The following RBFOX1 variants were observed in gnomAD, a reference collection of about 807,000 sequenced individuals.
The protein encoded by RBFOX1 is RNA binding protein fox-1 homolog 1.
In RBFOX1, 8 loss-of-function variants were observed where a neutral mutation model predicts 57.7. The ratio of observed to expected loss-of-function variants is 0.14; its 90% CI spans 0.08 to 0.25. The LOEUF (loss-of-function observed/expected upper bound fraction) is 0.25, where lower values mean the gene tolerates loss of function less well. Among genes scored for constraint, RBFOX1 ranks in the 10% least tolerant of loss-of-function variants. The probability of loss-of-function intolerance (pLI) is 1.00; values close to 1 mark genes in which losing one functional copy is unlikely to be tolerated. For synonymous variants in RBFOX1, 326 were observed against 222.4 expected (o/e 1.47, Z -4.15); for missense variants, 611 against 548.5 (o/e 1.11, Z -1.14).
At chr16:6,856,824 A>C (rs2057997891) in intron 3 of RBFOX1, among the ~76,000 whole-genome samples, 1 of 152,196 alleles carries the variant, frequency 6.6e-6, no homozygotes, top group African/African-American at 2.4e-5. Flanking sequence ...TGCGATTGTC[A>C]AACCACTGAT....
At chr16:5,834,869 T>C (rs890675633) in intron 3 of RBFOX1, among the ~76,000 whole-genome samples, 3 of 151,992 alleles carry the variant, frequency 2.0e-5, no homozygotes, top group African/African-American at 7.2e-5. Context: ...TATCCAGTGG[T>C]GGGATTGCTG....
At chr16:7,615,783 C>A (rs375901961) in intron 10 of RBFOX1, among the ~76,000 whole-genome samples, 3 of 152,104 alleles carry the variant, frequency 2.0e-5, no homozygotes, top group Non-Finnish European at 4.4e-5. Context: ...AGGCCAAGGA[C>A]GCTTCAAAAC....
intron 2 of RBFOX1, among the ~76,000 whole-genome samples, chr16:5,526,856 TC>T (rs2044269962): frequency 6.6e-6 from 1 of 152,206 alleles, no homozygotes; most frequent in Admixed American, 6.5e-5. Context: ...GAAGTAAGAC[TC>T]CTTGCATGGG....
intron 1 of RBFOX1, among the ~76,000 whole-genome samples, chr16:6,250,530 G>T (rs1397091746): frequency 2.0e-5 from 3 of 152,102 alleles, no homozygotes; most frequent in African/African-American, 7.2e-5. Context: ...TGTCCCCTTA[G>T]CTCCTTATCT....
intron 1 of RBFOX1, among the ~76,000 whole-genome samples, chr16:6,279,906 T>A (rs1305961889): frequency 6.6e-6 from 1 of 151,900 alleles, no homozygotes; most frequent in Non-Finnish European, 1.5e-5. Flanking sequence ...TTTTTTTTAA[T>A]GATCTGGAAG....
At chr16:5,784,668 C>T (rs551144199) in intron 3 of RBFOX1, among the ~76,000 whole-genome samples, 128 of 152,212 alleles carry the variant, frequency 8.4e-4, no homozygotes, top group African/African-American at 1.4e-3. Context: ...ATTTGGGTGA[C>T]GACACAGATC....
Position 6,584,904 on chromosome 16 carries a change from G to A in RBFOX1, c.-63-69699G>A, listed in dbSNP as rs148142992. ...TCTGGTCATGTTCTCTCTTCCTGGGGCAGAGATTGGGGACCTGCGTTGAAA... is the reference window on the plus strand; with the variant it reads ...TCTGGTCATGTTCTCTCTTCCTGGGACAGAGATTGGGGACCTGCGTTGAAA... On this transcript the variant is annotated intron_variant, in intron 2 of 15. Coordinates refer to ENST00000550418, the MANE Select transcript of RBFOX1 (RefSeq NM_018723.4). Among the ~76,000 whole-genome samples, 475 of 152,254 alleles carry A rather than the reference G, an allele frequency of 3.1e-3. 1 individual carries two copies. Among genetic ancestry groups the A allele is most frequent in the Non-Finnish European group, 5.3e-3 (361 of 68,020 alleles).
intron 3 of RBFOX1, among the ~76,000 whole-genome samples, chr16:5,760,169 C>T (rs1210442566): frequency 1.3e-5 from 2 of 151,996 alleles, no homozygotes; most frequent in Non-Finnish European, 2.9e-5. Context: ...TCCAGATTTG[C>T]CCGGAATGTT....
chr16:5,496,998 AT>A (rs1336104356), intron 2 of RBFOX1, among the ~76,000 whole-genome samples: 2 of 151,776 alleles, frequency 1.3e-5, no homozygotes, highest in Non-Finnish European at 1.5e-5. Flanking sequence ...GTTAAAAAGA[AT>A]TTTTTTTTCA....
At chr16:7,574,986 T>A (rs566506333) in intron 5 of RBFOX1, among the ~76,000 whole-genome samples, 2 of 150,360 alleles carry the variant, frequency 1.3e-5, no homozygotes, top group East Asian at 4.0e-4. Context: ...GGTGGAGAGA[T>A]GTAGTAGAGG....
chr16:5,482,082 C>G (rs1251993354), intron 2 of RBFOX1, among the ~76,000 whole-genome samples: 1 of 152,158 alleles, frequency 6.6e-6, no homozygotes, highest in Non-Finnish European at 1.5e-5. Context: ...AAGTAAGGAT[C>G]CTACACTAGG....
At position 5,366,813 on chromosome 16, in the gene RBFOX1, T is replaced by C. The variant is rs112555983; in HGVS notation, c.220-100403T>C. 3.1e-3 allele frequency: 782 copies of C among 248,570 alleles called. 6 individuals are homozygous for C. Among genetic ancestry groups the C allele is most frequent in the African/African-American group, 0.017 (736 of 43,178 alleles). The allele number at this position is 248,570 out of a possible 1,614,324, so 15.4% of individuals were successfully genotyped here. On this transcript the variant is annotated intron_variant, in intron 1 of 2. Transcript: ENST00000585867. Reference sequence around the variant, plus strand: ...TTTCCCTATCGTGTTTGATAAATGTTGTCCAGGTTTCATTGCCAAGAATGT... The same window carrying C: ...TTTCCCTATCGTGTTTGATAAATGTCGTCCAGGTTTCATTGCCAAGAATGT...
intron 5 of RBFOX1, among the ~76,000 whole-genome samples, chr16:7,542,744 G>T (rs957574661): frequency 1.4e-5 from 2 of 146,050 alleles, no homozygotes; most frequent in African/African-American, 5.1e-5. Context: ...GCACGCACCT[G>T]TAATCCCAGC....
chr16:7,227,576 C>T (rs1012923471), intron 4 of RBFOX1, among the ~76,000 whole-genome samples: 3 of 152,212 alleles, frequency 2.0e-5, no homozygotes, highest in African/African-American at 7.2e-5. Context: ...AAAGCATTGA[C>T]TGAAATGCAA....
At chr16:7,160,761 TCCTCCTCCGCCTCCCCCTTTTTTCTC>T (rs1228736264) in intron 4 of RBFOX1, among the ~76,000 whole-genome samples, 4 of 151,642 alleles carry the variant, frequency 2.6e-5, no homozygotes, top group Admixed American at 2.0e-4. Context: ...CTATTCCTCC[TCCTCCTCCGCCTCCCCCTTTTTTCTC>T]CCTCCTCCGT....
chr16:7,205,136 T>C (rs1209212555), intron 4 of RBFOX1, among the ~76,000 whole-genome samples: 1 of 152,138 alleles, frequency 6.6e-6, no homozygotes, highest in Non-Finnish European at 1.5e-5. Flanking sequence ...TCACTGATAG[T>C]AAGATAGAGG....
At chr16:5,319,150 C>CAAACAAAA (rs1567328155) in intron 1 of RBFOX1, among the ~76,000 whole-genome samples, 1 of 149,752 alleles carries the variant, frequency 6.7e-6, no homozygotes. Flanking sequence ...AACAAACAAA[C>CAAACAAAA]AAAAAAACAT....
chr16:7,308,230 A>T (rs984737262), intron 4 of RBFOX1, among the ~76,000 whole-genome samples: 1 of 151,970 alleles, frequency 6.6e-6, no homozygotes, highest in Non-Finnish European at 1.5e-5. Context: ...ATGGTGAGGC[A>T]ACAGACAGGA....
chr16:6,765,258 A>G (rs2077172868), intron 3 of RBFOX1, among the ~76,000 whole-genome samples: 1 of 152,198 alleles, frequency 6.6e-6, no homozygotes, highest in Non-Finnish European at 1.5e-5. Context: ...CTGCAGGCCA[A>G]GATCTGGGTT....
Sources: allele counts gnomAD v4.1 joint callset (sites outside exome capture counted in the v4.1 genomes callset), GRCh38; gene constraint gnomAD v4.1.1; transcripts MANE v1.5; gene names NCBI Gene and HGNC (gene_info 2026-07-23, HGNC 2026-07-21).